The following CCRL2 variants were observed in gnomAD, a reference collection of about 807,000 sequenced individuals.
CCRL2 encodes the protein C-C motif chemokine receptor like 2, also known as C-C chemokine receptor-like 2.
For missense variants in CCRL2, 451 were observed against 412.4 expected, an observed-to-expected ratio of 1.09 and a Z score of -0.81; for synonymous variants, 181 against 165.6, an observed-to-expected ratio of 1.09 and a Z score of -0.71.
At chr3:46,407,956 A>T (rs1347323910) in intron 1 of CCRL2, 112 bp from the exon 2 acceptor site, 1 of 821,736 alleles carries the variant, frequency 1.2e-6, no homozygotes, top group African/African-American at 1.7e-5. Context: ...CTCTGGCTAA[A>T]ATGTAGCTCC....
At position 46,408,747 on chromosome 3, in the gene CCRL2, T is replaced by C. The variant is rs1702093740; in HGVS notation, c.668T>C (p.Met223Thr). 6.2e-7 allele frequency: 1 copy of C among 1,614,164 alleles called. No individual in the cohort carries two copies. The highest frequency in any genetic ancestry group is 1.3e-5 in the African/African-American group (1 of 75,042). Residue 223 changes from methionine to threonine, a missense_variant, in exon 2 of 2, where the codon ATG (methionine) becomes ACG (threonine). Physicochemically the swap from Met to Thr is moderately conservative, Grantham distance 81 (BLOSUM62 -1). Coordinates refer to ENST00000399036, the MANE Select transcript of CCRL2 (RefSeq NM_003965.5). ...LFIFTFLYVQ[M>T]RKTLRFREQR... ...ATTTTTACATTTCTCTATGTGCAAATGAGAAAAACACTAAGGTTCAGGGAG... is the reference window on the plus strand; with the variant it reads ...ATTTTTACATTTCTCTATGTGCAAACGAGAAAAACACTAAGGTTCAGGGAG...
Position 46,408,571 on chromosome 3 carries a change from GC to G in CCRL2, c.494del (p.Pro165LeufsTer36). The G allele has an allele frequency of 6.2e-7, 1 of 1,614,106 alleles. No homozygotes were observed. Among genetic ancestry groups the G allele is most frequent in the East Asian group, 2.2e-5 (1 of 44,888 alleles). ...GGGTAACAGCCATTCTGGCCACTTTGCCTGAATTCGTGGTTTATAAACCTCA... is the reference window on the plus strand; with the variant it reads ...GGGTAACAGCCATTCTGGCCACTTTGCTGAATTCGTGGTTTATAAACCTCA... ...AWVTAILATL[P>X]EFVVYKPQME... On this transcript the variant is annotated frameshift_variant, in exon 2 of 2. Coordinates refer to ENST00000399036, the MANE Select transcript of CCRL2 (RefSeq NM_003965.5). LOFTEE classifies it low-confidence loss of function (END_TRUNC).
Position 46,409,380 on chromosome 3 carries a change from T to C in CCRL2, c.*266T>C, listed in dbSNP as rs1702109533. 1 of 478,438 alleles carries C rather than the reference T, an allele frequency of 2.1e-6. No homozygotes were observed. Among genetic ancestry groups the C allele is most frequent in the Non-Finnish European group, 3.8e-6 (1 of 261,698 alleles). The allele number at this position is 478,438 out of a possible 1,614,324, so 29.6% of individuals were successfully genotyped here. ...AGAAGAAAACTAAGGCGCGGAAATT[T>C]GTCTAAGATCACATAACTAGGAAGT... On this transcript the variant is annotated 3_prime_UTR_variant, in exon 2 of 2. Transcript: ENST00000399036.
chr3:46,408,738 A>C lies in CCRL2; in HGVS notation c.659A>C (p.Tyr220Ser). 1 of 1,614,040 alleles carries C rather than the reference A, an allele frequency of 6.2e-7. No homozygotes were observed. The highest frequency in any genetic ancestry group is 8.5e-7 in the Non-Finnish European group (1 of 1,179,974). ...CCCCTATTTATTTTTACATTTCTCT[A>C]TGTGCAAATGAGAAAAACACTAAGG... is the stretch of plus-strand genomic sequence containing the variant. ...VLPLFIFTFL[Y>S]VQMRKTLRFR... Residue 220 changes from tyrosine to serine, a missense_variant, in exon 2 of 2, where the codon TAT (tyrosine) becomes TCT (serine). Tyr to Ser is a moderately radical substitution (Grantham distance 144). Coordinates refer to ENST00000399036, the MANE Select transcript of CCRL2 (RefSeq NM_003965.5).
intron 1 of CCRL2, chr3:46,407,725 A>T (rs902828784): frequency 2.0e-6 from 3 of 1,494,414 alleles, no homozygotes; most frequent in Non-Finnish European, 2.7e-6. Context: ...CTCTTTAATT[A>T]TATATTTTCT....
rs577673274 is a variant in CCRL2 at position 46,409,305 on chromosome 3, G to A, written c.*191G>A. ...GCTCTTTACAAACGTGAGCTCCTTC[G>A]CCTCCTACCACTTGTCCATAGTGTG... is the stretch of plus-strand genomic sequence containing the variant. On this transcript the variant is annotated 3_prime_UTR_variant, in exon 2 of 2. Transcript: ENST00000399036. The A allele has an allele frequency of 5.0e-5, 31 of 614,158 alleles. No homozygotes were observed. Among genetic ancestry groups the A allele is most frequent in the African/African-American group, 7.4e-5 (4 of 53,902 alleles). 38.0% of individuals were successfully genotyped at this position (614,158 alleles called of 1,614,324 possible).
chr3:46,407,782 G>A, intron 1 of CCRL2: 1 of 1,154,860 alleles, frequency 8.7e-7, no homozygotes, highest in East Asian at 2.6e-5. Context: ...CTAAAAGAAG[G>A]TAAGTTCTAC....
Position 46,408,862 on chromosome 3 carries a change from C to G in CCRL2, c.783C>G (p.Ser261=). ...WAPYNIAFFL[S]TFKEHFSLSD... ...CCTACAATATTGCATTTTTCCTGTC[C>G]ACTTTCAAAGAACACTTCTCCCTGA... The change falls in exon 2 of 2, where the codon TCC becomes TCG. Residue 261 remains serine, a synonymous_variant. Transcript: ENST00000399036. 6.2e-7 allele frequency: 1 copy of G among 1,614,136 alleles called. No individual in the cohort carries two copies. The highest frequency in any genetic ancestry group is 8.5e-7 in the Non-Finnish European group (1 of 1,180,026).
chr3:46,408,061 T>A lies in CCRL2; in HGVS notation c.-12-7T>A. ...GGAGGGGAAAATCATCTCCCATTTC[T>A]CCACAGGGCAGTCTGAAGATGGCCA... On this transcript the variant is annotated splice_region_variant and splice_polypyrimidine_tract_variant and intron_variant, in intron 1 of 1. Coordinates refer to ENST00000399036, the MANE Select transcript of CCRL2 (RefSeq NM_003965.5). 1 of 1,535,570 alleles carries A rather than the reference T, an allele frequency of 6.5e-7. No homozygotes were observed. Among genetic ancestry groups the A allele is most frequent in the African/African-American group, 1.4e-5 (1 of 73,474 alleles).
rs1702106132 is a variant in CCRL2 at position 46,409,238 on chromosome 3, A to T, written c.*124A>T. ...CAGGAAGAAAAGGGAGAGGTGAGCTAACATTTGCTAAGCACTGAATTTGTC... is the reference window on the plus strand; with the variant it reads ...CAGGAAGAAAAGGGAGAGGTGAGCTTACATTTGCTAAGCACTGAATTTGTC... On this transcript the variant is annotated 3_prime_UTR_variant, in exon 2 of 2. Transcript: ENST00000399036. 1 of 942,514 alleles carries T rather than the reference A, an allele frequency of 1.1e-6. No individual in the cohort carries two copies. Among genetic ancestry groups the T allele is most frequent in the Non-Finnish European group, 1.6e-6 (1 of 623,508 alleles). 58.4% of individuals were successfully genotyped at this position (942,514 alleles called of 1,614,324 possible). A position where few individuals can be genotyped will look rare whatever the true frequency, so the allele number is the denominator to read the frequency against.
chr3:46,409,424 G>T lies in CCRL2; in HGVS notation c.*310G>T. ...AGGAAGTGGCAGAACTGATTCTCCA[G>T]CCCTGGTAGCATTTGCTCAGAGCCT... is the stretch of plus-strand genomic sequence containing the variant. On this transcript the variant is annotated 3_prime_UTR_variant, in exon 2 of 2. Transcript: ENST00000399036. 1 of 364,832 alleles carries T rather than the reference G, an allele frequency of 2.7e-6. No homozygotes were observed. 22.6% of individuals were successfully genotyped at this position (364,832 alleles called of 1,614,324 possible). A position where few individuals can be genotyped will look rare whatever the true frequency, so the allele number is the denominator to read the frequency against.
rs1251655930 is a variant in CCRL2 at position 46,409,102 on chromosome 3, C to T, written c.1023C>T (p.Ser341=). 3 of 1,609,054 alleles carry T rather than the reference C, an allele frequency of 1.9e-6. No homozygotes were observed. The highest frequency in any genetic ancestry group is 4.5e-5 in the East Asian group (2 of 44,812). The change falls in exon 2 of 2, where the codon TCC becomes TCT. Residue 341 remains serine (S), a synonymous_variant. Transcript: ENST00000399036. ...QGTSREEPDH[S]TEV is the part of the protein sequence containing the mutation. ...CATCGAGGGAAGAACCTGACCATTC[C>T]ACCGAAGTGTAAACTAGCATCCACC...
chr3:46,407,271 G>A lies in CCRL2; in HGVS notation c.-244G>A, dbSNP rs960118089. 2 of 193,286 alleles carry A rather than the reference G, an allele frequency of 1.0e-5. No individual in the cohort carries two copies. The highest frequency in any genetic ancestry group is 2.1e-5 in the Non-Finnish European group (2 of 95,216). The allele number at this position is 193,286 out of a possible 1,614,324, so 12.0% of individuals were successfully genotyped here. On this transcript the variant is annotated 5_prime_UTR_variant, in exon 1 of 2. Transcript: ENST00000399036. ...CCCGGTTGCTTTCAGACGCTTCAGA[G>A]ATCCTCTGGAGGCCTGGGGGAGCTT...
At position 46,407,440 on chromosome 3, in the gene CCRL2, C is replaced by G; in HGVS notation, c.-75C>G. ...GGGCATCCACTGTCCGGGGCCATTCCCACAGCTCCCGGATGCTGGGTCTGG... is the reference window on the plus strand; with the variant it reads ...GGGCATCCACTGTCCGGGGCCATTCGCACAGCTCCCGGATGCTGGGTCTGG... On this transcript the variant is annotated 5_prime_UTR_variant, in exon 1 of 2. Coordinates refer to ENST00000399036, the MANE Select transcript of CCRL2 (RefSeq NM_003965.5). The G allele has an allele frequency of 1.8e-6, 1 of 554,612 alleles. No individual in the cohort carries two copies. The highest frequency in any genetic ancestry group is 3.3e-5 in the East Asian group (1 of 30,634). The allele number at this position is 554,612 out of a possible 1,614,324, so 34.4% of individuals were successfully genotyped here. A position where few individuals can be genotyped will look rare whatever the true frequency, so the allele number is the denominator to read the frequency against.
At chr3:46,407,933 A>T in intron 1 of CCRL2, 135 bp from the exon 2 acceptor site, 1 of 720,992 alleles carries the variant, frequency 1.4e-6, no homozygotes, top group South Asian at 1.9e-5. Context: ...CAGTCTTCTG[A>T]AATAGGGAAT....
Position 46,407,347 on chromosome 3 carries a change from G to T in CCRL2, c.-168G>T, listed in dbSNP as rs1438245473. ...CTGAGCTCGGTGAGTGGGGCGGGTA[G>T]AGCCACCAGGGGAATCAACAGTGGT... is the stretch of plus-strand genomic sequence containing the variant. On this transcript the variant is annotated 5_prime_UTR_variant, in exon 1 of 2. Transcript: ENST00000399036. The T allele has an allele frequency of 5.9e-6, 2 of 338,190 alleles. No individual in the cohort carries two copies. The highest frequency in any genetic ancestry group is 4.4e-5 in the African/African-American group (2 of 45,834). 20.9% of individuals were successfully genotyped at this position (338,190 alleles called of 1,614,324 possible).
Position 46,408,784 on chromosome 3 carries a change from C to G in CCRL2, c.705C>G (p.Ser235Arg), listed in dbSNP as rs760053710. The G allele has an allele frequency of 1.2e-6, 2 of 1,614,170 alleles. No homozygotes were observed. The highest frequency in any genetic ancestry group is 1.7e-6 in the Non-Finnish European group (2 of 1,180,016). Residue 235 changes from serine (S) to arginine (R), a missense_variant, in exon 2 of 2, where the codon AGC (serine) becomes AGG (arginine). Transcript: ENST00000399036. Reference protein sequence around the residue: ...KTLRFREQRYSLFKLVFAIMV... With the variant: ...KTLRFREQRYRLFKLVFAIMV... ...TAAGGTTCAGGGAGCAGAGGTATAG[C>G]CTTTTCAAGCTTGTTTTTGCCATAA...
rs746491356 is a variant in CCRL2, at chr3:46,408,348, C to T, written c.269C>T (p.Thr90Ile). ...GTTTCTAACTTGTGTTTCTTGCTTA[C>T]CCTGCCCTTCTGGGCTCATGCTGGG... ...LAVSNLCFLL[T>I]LPFWAHAGGD... Residue 90 changes from threonine to isoleucine, a missense_variant, in exon 2 of 2, where the codon ACC becomes ATC. Physicochemically the swap from Thr to Ile is moderately conservative, Grantham distance 89. Transcript: ENST00000399036. 2 of 1,614,236 alleles carry T rather than the reference C, an allele frequency of 1.2e-6. No homozygotes were observed. Among genetic ancestry groups the T allele is most frequent in the Admixed American group, 1.7e-5 (1 of 60,026 alleles).
chr3:46,409,158 T>C lies in CCRL2; in HGVS notation c.*44T>C. 1 of 1,481,466 alleles carries C rather than the reference T, an allele frequency of 6.8e-7. No individual in the cohort carries two copies. Among genetic ancestry groups the C allele is most frequent in the Non-Finnish European group, 9.2e-7 (1 of 1,084,968 alleles). The allele number at this position is 1,481,466 out of a possible 1,614,324, so 91.8% of individuals were successfully genotyped here. On this transcript the variant is annotated 3_prime_UTR_variant, in exon 2 of 2. Coordinates refer to ENST00000399036, the MANE Select transcript of CCRL2 (RefSeq NM_003965.5). ...CAAGAAGAATAAACATGGATTTTCA[T>C]CTTTCTGCATTATTTCATGTAAATT...
Sources: allele counts gnomAD v4.1 joint callset, GRCh38; gene constraint gnomAD v4.1.1; transcripts MANE v1.5; gene names NCBI Gene and HGNC (gene_info 2026-07-23, HGNC 2026-07-21).